RORA: variants seen among roughly 807,000 people sequenced by gnomAD.
RORA encodes the protein RAR related orphan receptor A.
RORA carries 7 observed loss-of-function variants against 69.5 expected under a neutral mutation model. That is an observed-to-expected ratio of 0.10 (90% CI 0.06 to 0.19). RORA has a LOEUF of 0.19. Ranked by LOEUF, RORA falls within the 10% of genes least tolerant of loss-of-function variation. The pLI is 1.00. For synonymous variants in RORA, 261 were observed against 240.8 expected (o/e 1.08, Z -0.78); for missense variants, 457 against 663.0 (o/e 0.69, Z 3.41).
rs2140581434 is a variant in RORA at position 60,610,785 on chromosome 15, G to A, written c.196+67872C>T. On this transcript the variant is annotated intron_variant, in intron 2 of 10. Coordinates refer to ENST00000335670, the MANE Select transcript of RORA (RefSeq NM_134261.3). ...CCAAAAGGATCAGAGAGGCTCTTTA[G>A]GACTGTGTCCAATCCAGGGCGACCA... Among the ~76,000 whole-genome samples, 2 of 152,204 alleles carry A rather than the reference G, an allele frequency of 1.3e-5. 1 individual carries two copies. The highest frequency in any genetic ancestry group is 4.2e-4 in the South Asian group (2 of 4,814).
intron 1 of RORA, among the ~76,000 whole-genome samples, chr15:60,875,545 G>A (rs897098742): frequency 6.6e-6 from 1 of 152,168 alleles, no homozygotes; most frequent in African/African-American, 2.4e-5. Flanking sequence ...TGTTGGGTAT[G>A]TCTACAAATG....
intron 1 of RORA, among the ~76,000 whole-genome samples, chr15:60,887,011 C>T (rs141676424): frequency 2.0e-5 from 3 of 152,288 alleles, no homozygotes; most frequent in East Asian, 1.9e-4. Context: ...GCTACAAGAT[C>T]GTCTTCCTTG....
intron 1 of RORA, among the ~76,000 whole-genome samples, chr15:60,972,126 A>T (rs1002335874): frequency 6.6e-6 from 1 of 152,224 alleles, no homozygotes; most frequent in African/African-American, 2.4e-5. Context: ...AATATTTTGT[A>T]AGCCATTGGA....
chr15:61,104,884 C>A (rs922984922), intron 1 of RORA, among the ~76,000 whole-genome samples: 2 of 152,130 alleles, frequency 1.3e-5, no homozygotes, highest in African/African-American at 4.8e-5. Flanking sequence ...TTCCCCCATA[C>A]TGAACCATCT....
rs370371793 is a variant in RORA at position 61,060,561 on chromosome 15, A to G, written c.166+168492T>C. ...ATCCAGGTAAATAACACCTCTCCTG[A>G]CTCCCAACCAATGTGAGCTGCTCAG... On this transcript the variant is annotated intron_variant, in intron 1 of 10. Transcript: ENST00000335670. 3.9e-5 allele frequency among the ~76,000 whole-genome samples: 6 copies of G among 151,940 alleles called. No homozygotes were observed. In the East Asian group the frequency reaches 9.7e-4, roughly 25 times the overall value.
chr15:60,569,261 T>TAAAAAAA (rs60382168), intron 2 of RORA, among the ~76,000 whole-genome samples: 6 of 89,622 alleles, frequency 6.7e-5, no homozygotes, highest in Non-Finnish European at 5.2e-5. Flanking sequence ...TTTAAAAAAT[T>TAAAAAAA]AAAAAAAAAA....
rs534543392 is a variant in RORA, at chr15:60,821,961, A to C, written c.167-143275T>G. Among the ~76,000 whole-genome samples, 12 of 152,356 alleles carry C rather than the reference A, an allele frequency of 7.9e-5. No individual in the cohort carries two copies. In the East Asian group the frequency reaches 2.3e-3, roughly 29 times the overall value. ...CATACTAAAAACTCAAAGTTTGCTG[A>C]ATAAATAAAGGAAATCTGAATAAAG... On this transcript the variant is annotated intron_variant, in intron 1 of 10. Coordinates refer to ENST00000335670, the MANE Select transcript of RORA (RefSeq NM_134261.3).
At chr15:61,020,799 C>T (rs757778925) in intron 1 of RORA, among the ~76,000 whole-genome samples, 30 of 152,126 alleles carry the variant, frequency 2.0e-4, no homozygotes, top group Non-Finnish European at 3.5e-4. Context: ...TCAAGGGCCC[C>T]GTATAATTTC....
At chr15:60,677,664 A>C (rs2070574625) in intron 2 of RORA, among the ~76,000 whole-genome samples, 1 of 151,818 alleles carries the variant, frequency 6.6e-6, no homozygotes, top group Non-Finnish European at 1.5e-5. Flanking sequence ...GAATCAACTG[A>C]GGCACAAGAT....
At chr15:60,734,516 C>T (rs571885574) in intron 1 of RORA, among the ~76,000 whole-genome samples, 1 of 152,280 alleles carries the variant, frequency 6.6e-6, no homozygotes, top group South Asian at 2.1e-4. Flanking sequence ...CTGAACACTG[C>T]AAAGACAAGA....
At chr15:60,858,697 A>ACACC (rs1197275022) in intron 1 of RORA, among the ~76,000 whole-genome samples, 4 of 150,752 alleles carry the variant, frequency 2.7e-5, no homozygotes, top group Admixed American at 2.0e-4. Context: ...GAAAATACAC[A>ACACC]CACACACACA....
At chr15:60,767,661 T>C (rs2072011032) in intron 1 of RORA, among the ~76,000 whole-genome samples, 1 of 152,242 alleles carries the variant, frequency 6.6e-6, no homozygotes, top group Non-Finnish European at 1.5e-5. Context: ...CTTCTCACTG[T>C]ACCCGAGGTA....
At chr15:60,928,316 G>T (rs1352954219) in intron 1 of RORA, among the ~76,000 whole-genome samples, 2 of 152,286 alleles carry the variant, frequency 1.3e-5, no homozygotes, top group East Asian at 3.9e-4. Flanking sequence ...GTAAATGAGG[G>T]TTTCTTCCAA....
intron 1 of RORA, among the ~76,000 whole-genome samples, chr15:60,701,527 T>C (rs1238931962): frequency 6.6e-6 from 1 of 152,200 alleles, no homozygotes. Flanking sequence ...ACGTACTGCC[T>C]CTGCTCTCCC....
intron 1 of RORA, among the ~76,000 whole-genome samples, chr15:60,959,045 G>C (rs1473506768): frequency 3.3e-5 from 5 of 152,108 alleles, no homozygotes; most frequent in Non-Finnish European, 7.3e-5. Context: ...TATTAAAGTT[G>C]TACCTGCAAA....
intron 2 of RORA, among the ~76,000 whole-genome samples, chr15:60,561,007 T>C (rs910131729): frequency 4.9e-4 from 75 of 151,932 alleles, no homozygotes; most frequent in African/African-American, 1.6e-3. Context: ...ACGTTGGCAG[T>C]GATGTTTTAA....
At chr15:60,855,291 T>G (rs571877058) in intron 1 of RORA, among the ~76,000 whole-genome samples, 1 of 152,296 alleles carries the variant, frequency 6.6e-6, no homozygotes, top group South Asian at 2.1e-4. Flanking sequence ...CAGCTAAAGC[T>G]TAGGATCAAC....
intron 1 of RORA, among the ~76,000 whole-genome samples, chr15:60,917,347 C>T (rs1396326665): frequency 6.6e-6 from 1 of 152,148 alleles, no homozygotes; most frequent in Non-Finnish European, 1.5e-5. Flanking sequence ...TTTAGTAGCC[C>T]TTTGGAATAT....
intron 1 of RORA, among the ~76,000 whole-genome samples, chr15:61,069,515 T>C (rs2078310203): frequency 6.6e-6 from 1 of 151,256 alleles, no homozygotes; most frequent in South Asian, 2.1e-4. Flanking sequence ...AAGGGGCGAG[T>C]GGAAACAGCT....
Sources: allele counts gnomAD v4.1 joint callset (sites outside exome capture counted in the v4.1 genomes callset), GRCh38; gene constraint gnomAD v4.1.1; transcripts MANE v1.5; gene names NCBI Gene and HGNC (gene_info 2026-07-23, HGNC 2026-07-21).